Variants in PPL observed in about 807,000 individuals in gnomAD.
PPL encodes the protein periplakin.
In PPL, 198 loss-of-function variants were observed where a neutral mutation model predicts 194.4. The observed-to-expected ratio is 1.02, with a 90% CI of 0.91 to 1.15. The LOEUF (loss-of-function observed/expected upper bound fraction) is 1.15, where lower values mean the gene tolerates loss of function less well. Among genes scored for constraint, PPL ranks in the 50% most tolerant of loss-of-function variants. PPL has a pLI of 0.00. For synonymous variants in PPL, 1,220 were observed against 972.4 expected (o/e 1.25, Z -4.74); for missense variants, 2,885 against 2,294.8 (o/e 1.26, Z -5.25).
chr16:4,893,161 G>T (rs2088350685), intron 14 of PPL, 52 bp downstream of exon 14: 2 of 1,453,042 alleles, frequency 1.4e-6, no homozygotes, highest in Non-Finnish European at 9.1e-7. Context: ...GGGCCCCAGG[G>T]GGCCAGTGCA....
chr16:4,906,813 T>C (rs1184281572), intron 2 of PPL, among the ~76,000 whole-genome samples: 4 of 152,126 alleles, frequency 2.6e-5, no homozygotes, highest in African/African-American at 9.7e-5. Context: ...CCCGGGAGCT[T>C]TCTAGACAGT....
intron 4 of PPL, among the ~76,000 whole-genome samples, chr16:4,901,365 C>T (rs1004063672): frequency 1.2e-4 from 18 of 152,152 alleles, no homozygotes; most frequent in African/African-American, 4.3e-4. Context: ...GAATGAGGGC[C>T]AGTCACCTGC....
At chr16:4,924,063 C>T (rs1029170835) in intron 1 of PPL, among the ~76,000 whole-genome samples, 1 of 152,336 alleles carries the variant, frequency 6.6e-6, no homozygotes, top group East Asian at 1.9e-4. Flanking sequence ...CACTCAACAG[C>T]TGGAAAACAT....
chr16:4,883,686 A>G lies in PPL; in HGVS notation c.4969T>C (p.Ser1657Pro). Residue 1657 changes from serine to proline, a missense_variant, in exon 22 of 22, where the codon TCC becomes CCC. Transcript: ENST00000345988. This position sits in a 1 kb window ranked among gnomAD's most constrained non-coding sequence, Gnocchi z 4.8. ...GTGTCAGGGTGGATGACTACGATGG[A>G]GCGCCGCAGGTGGTTCTCCCGCTGC... The part of the protein sequence containing the change: ...REQRENHLRR[S>P]IVVIHPDTGR... 2 of 1,613,964 alleles carry G rather than the reference A, an allele frequency of 1.2e-6. No individual in the cohort carries two copies. The highest frequency in any genetic ancestry group is 1.7e-5 in the Admixed American group (1 of 60,002).
rs189169649 is a variant in PPL, at chr16:4,891,521, A to G, written c.1968+290T>C. On this transcript the variant is annotated intron_variant, in intron 16 of 21. Coordinates refer to ENST00000345988, the MANE Select transcript of PPL (RefSeq NM_002705.5). The stretch of plus-strand genomic sequence containing the variant: ...GGACTTAAACTCCAAGGCTCAAGCA[A>G]TCCTGCCCCAGCCTCCTGAATGGCT... 210 of 342,198 alleles carry G rather than the reference A, an allele frequency of 6.1e-4. 2 individuals are homozygous for G. The highest frequency in any genetic ancestry group is 2.3e-3 in the Middle Eastern group (3 of 1,282). 21.2% of individuals were successfully genotyped at this position (342,198 alleles called of 1,614,324 possible).
chr16:4,911,005 TCCCCACCAGCACC>T, intron 1 of PPL, 56 bp from the exon 2 acceptor site: 1 of 1,364,142 alleles, frequency 7.3e-7, no homozygotes, highest in Non-Finnish European at 1.0e-6. Context: ...GGGGGCTATG[TCCCCACCAGCACC>T]CCATCCTCTG....
At chr16:4,925,872 G>C (rs2089146224) in intron 1 of PPL, among the ~76,000 whole-genome samples, 1 of 152,186 alleles carries the variant, frequency 6.6e-6, no homozygotes, top group Non-Finnish European at 1.5e-5. Flanking sequence ...ACAGGATGAT[G>C]GGACCAGGCA....
Position 4,885,104 on chromosome 16 carries a change from G to C in PPL, c.3551C>G (p.Ala1184Gly), listed in dbSNP as rs962485746. 15 of 1,613,666 alleles carry C rather than the reference G, an allele frequency of 9.3e-6. No individual in the cohort carries two copies. Among genetic ancestry groups the C allele is most frequent in the African/African-American group, 1.3e-5 (1 of 74,882 alleles). Residue 1184 changes from alanine to glycine, a missense_variant, in exon 22 of 22, where the codon GCG (alanine) becomes GGG (glycine). By Grantham distance (60) the Ala-to-Gly change is moderately conservative. Coordinates refer to ENST00000345988, the MANE Select transcript of PPL (RefSeq NM_002705.5). The surrounding 1 kb of genome is among the most constrained non-coding windows in gnomAD (Gnocchi z 6.3). ...GCGGAGGTTCGCCACTTCACTTTCCGCCTTGGGGTCTGGCCGCACGATCTC... is the reference window on the plus strand; with the variant it reads ...GCGGAGGTTCGCCACTTCACTTTCCCCCTTGGGGTCTGGCCGCACGATCTC... ...VREIVRPDPK[A>G]ESEVANLRLE...
In PPL at chr16:4,937,116, G is replaced by T; in HGVS notation, c.-71C>A. ...GCACCGAGGGGCGGGCGGGAGCGCA[G>T]GTGAGCGAGCGGCGGCGCGGGGAGC... On this transcript the variant is annotated 5_prime_UTR_variant, in exon 1 of 22. It adds an upstream start codon to the 5' untranslated region. Coordinates refer to ENST00000345988, the MANE Select transcript of PPL (RefSeq NM_002705.5). 1 of 1,075,800 alleles carries T rather than the reference G, an allele frequency of 9.3e-7. No individual in the cohort carries two copies. Among genetic ancestry groups the T allele is most frequent in the Non-Finnish European group, 1.1e-6 (1 of 876,270 alleles). The allele number at this position is 1,075,800 out of a possible 1,614,324, so 66.6% of individuals were successfully genotyped here.
intron 1 of PPL, among the ~76,000 whole-genome samples, chr16:4,921,660 T>A (rs1339845466): frequency 6.6e-6 from 1 of 152,010 alleles, no homozygotes; most frequent in Non-Finnish European, 1.5e-5. Context: ...AGAGATGGGG[T>A]TTCACCGTGT....
At chr16:4,886,086 C>G (rs2088215461) in intron 21 of PPL, 39 bp from the exon 22 acceptor site, 1 of 1,612,382 alleles carries the variant, frequency 6.2e-7, no homozygotes, top group East Asian at 2.2e-5. Context: ...AAGCCAGGCT[C>G]TGGCAGCACA....
intron 21 of PPL, among the ~76,000 whole-genome samples, chr16:4,886,314 G>A (rs908707672): frequency 2.0e-5 from 3 of 152,156 alleles, no homozygotes; most frequent in South Asian, 2.1e-4. Context: ...GTCCTAGGGC[G>A]TGTCTGTCAG....
In PPL at chr16:4,937,140, G is replaced by C. The variant is rs1181547352; in HGVS notation, c.-95C>G. 1.2e-6 allele frequency: 1 copy of C among 855,840 alleles called. No homozygotes were observed. Among genetic ancestry groups the C allele is most frequent in the Admixed American group, 5.7e-5 (1 of 17,452 alleles). The allele number at this position is 855,840 out of a possible 1,614,324, so 53.0% of individuals were successfully genotyped here. ...AGGTGAGCGAGCGGCGGCGCGGGGA[G>C]CCCGGACTGCGGCGCGGCAGTGGCT... On this transcript the variant is annotated 5_prime_UTR_variant, in exon 1 of 22. Coordinates refer to ENST00000345988, the MANE Select transcript of PPL (RefSeq NM_002705.5).
At chr16:4,889,638 G>C (rs1396352476) in intron 18 of PPL, among the ~76,000 whole-genome samples, 1 of 152,076 alleles carries the variant, frequency 6.6e-6, no homozygotes. Flanking sequence ...TGATGATTTG[G>C]ACCACCAGAC....
At chr16:4,926,179 A>T (rs1304371363) in intron 1 of PPL, among the ~76,000 whole-genome samples, 1 of 152,220 alleles carries the variant, frequency 6.6e-6, no homozygotes, top group Non-Finnish European at 1.5e-5. Flanking sequence ...GCTCCATTGC[A>T]GATGAGGAAA....
At chr16:4,903,711 A>C (rs541508093) in intron 3 of PPL, among the ~76,000 whole-genome samples, 175 bp downstream of exon 3, 14 of 151,000 alleles carry the variant, frequency 9.3e-5, no homozygotes, top group African/African-American at 3.2e-4. Context: ...CAAGAGCAAA[A>C]CTACGTCTCA....
In PPL at chr16:4,899,260, C is replaced by G. The variant is rs147843700; in HGVS notation, c.731G>C (p.Arg244Pro). 6.2e-7 allele frequency: 1 copy of G among 1,613,718 alleles called. No individual in the cohort carries two copies. The highest frequency in any genetic ancestry group is 8.5e-7 in the Non-Finnish European group (1 of 1,179,974). ...KGRMQYDWSD[R>P]NLDYPSRRRQ... ...CCGGCGGCTGGGGTAGTCGAGGTTG[C>G]GGTCACTCCAGTCGTACTGCATGCG... The change falls in exon 7 of 22, where the codon CGC becomes CCC. Residue 244 changes from arginine (R) to proline (P), a missense_variant. Physicochemically the swap from Arg to Pro is moderately radical, Grantham distance 103 (BLOSUM62 -2). Coordinates refer to ENST00000345988, the MANE Select transcript of PPL (RefSeq NM_002705.5).
chr16:4,931,450 G>A (rs1294830999), intron 1 of PPL, among the ~76,000 whole-genome samples: 2 of 152,294 alleles, frequency 1.3e-5, no homozygotes, highest in East Asian at 1.9e-4. Flanking sequence ...TGTCCCACCC[G>A]GAGGCAGAAA....
Position 4,899,162 on chromosome 16 carries a change from G to T in PPL, c.769-42C>A, listed in dbSNP as rs2088496215. The T allele has an allele frequency of 5.0e-6, 8 of 1,613,632 alleles. No homozygotes were observed. In the African/African-American group the frequency reaches 9.3e-5, roughly 19 times the overall value. On this transcript the variant is annotated intron_variant, in intron 7 of 21. Coordinates refer to ENST00000345988, the MANE Select transcript of PPL (RefSeq NM_002705.5). The stretch of plus-strand genomic sequence containing the variant: ...TGGAGGGGCCTCAGTGCCCAGCCTG[G>T]CGGTCCCGTGCTCCTTCCAGGGCTG...
Sources: gnomAD v4.1 joint callset for allele counts (sites outside exome capture counted in the v4.1 genomes callset) on GRCh38, gnomAD v4.1.1 for gene constraint, Gnocchi (gnomAD v3.1) non-coding constraint, MANE v1.5 for transcripts, NCBI Gene and HGNC (gene_info 2026-07-23, HGNC 2026-07-21) for gene names.